Variants in WDSUB1 observed in about 807,000 individuals in gnomAD.
WDSUB1 encodes WD repeat, sterile alpha motif and U-box domain containing 1.
WDSUB1 carries 49 observed loss-of-function variants against 53.9 expected under a neutral mutation model. The ratio of observed to expected loss-of-function variants is 0.91; its 90% confidence interval spans 0.72 to 1.15. The LOEUF (loss-of-function observed/expected upper bound fraction) is 1.15, where lower values mean the gene tolerates loss of function less well. Among genes scored for constraint, WDSUB1 ranks in the 50% most tolerant of loss-of-function variants. The pLI is 0.00. For synonymous variants in WDSUB1, 194 were observed against 200.6 expected (o/e 0.97, Z 0.28); for missense variants, 514 against 562.0 (o/e 0.91, Z 0.86).
chr2:159,257,503 C>T (rs1490774938), intron 8 of WDSUB1, among the ~76,000 whole-genome samples: 1 of 151,900 alleles, frequency 6.6e-6, no homozygotes, highest in Non-Finnish European at 1.5e-5. Flanking sequence ...TCTCCTGCCT[C>T]AGCCTCCCGA....
chr2:159,257,881 A>G lies in WDSUB1; in HGVS notation c.846-17T>C. ...GTGACATACCTAGTTAATAAAAACA[A>G]CTATTATGTATCTTCTGACTAATTT... On this transcript the variant is annotated splice_polypyrimidine_tract_variant and intron_variant, in intron 7 of 10. Coordinates refer to ENST00000359774, the MANE Select transcript of WDSUB1 (RefSeq NM_001128212.3). 1 of 1,612,286 alleles carries G rather than the reference A, an allele frequency of 6.2e-7. No homozygotes were observed. The highest frequency in any genetic ancestry group is 8.5e-7 in the Non-Finnish European group (1 of 1,178,414).
At chr2:159,274,549 A>G (rs1367975491) in intron 4 of WDSUB1, among the ~76,000 whole-genome samples, 1 of 152,194 alleles carries the variant, frequency 6.6e-6, no homozygotes, top group African/African-American at 2.4e-5. Context: ...CTTCACCCTT[A>G]GTATGCTGCA....
In WDSUB1 at chr2:159,256,264, AT is replaced by A. The variant is rs1559541649; in HGVS notation, c.1063del (p.Met355Ter). On this transcript the variant is annotated frameshift_variant, in exon 9 of 11. Coordinates refer to ENST00000359774, the MANE Select transcript of WDSUB1 (RefSeq NM_001128212.3). LOFTEE classifies it high-confidence loss of function. ...CAGTTCTTTTCCATCAATGTTATTCATCTTGAAAATACCAACAAGATCTTTT... is the reference window on the plus strand; with the variant it reads ...CAGTTCTTTTCCATCAATGTTATTCACTTGAAAATACCAACAAGATCTTTT... ...DLKDLVGIFKMNNIDGKELLN... is the reference protein window; with the variant it reads ...DLKDLVGIFKXNNIDGKELLN... The A allele has an allele frequency of 6.2e-7, 1 of 1,612,112 alleles. No homozygotes were observed. The highest frequency in any genetic ancestry group is 1.1e-5 in the South Asian group (1 of 90,352).
chr2:159,244,531 G>A (rs1029080783), intron 10 of WDSUB1, among the ~76,000 whole-genome samples: 1 of 152,226 alleles, frequency 6.6e-6, no homozygotes, highest in Non-Finnish European at 1.5e-5. Context: ...TGTTGAGGGA[G>A]TTGGTTACTG....
intron 8 of WDSUB1, among the ~76,000 whole-genome samples, chr2:159,256,964 C>CA: frequency 6.6e-6 from 1 of 152,260 alleles, no homozygotes; most frequent in South Asian, 2.1e-4. Context: ...ACAGCTTTAA[C>CA]ACAGCCCAGC....
In WDSUB1 at chr2:159,283,052, G is replaced by A; in HGVS notation, c.18C>T (p.His6=). Residue 6 remains histidine, a synonymous_variant, in exon 2 of 11, where the codon CAC becomes CAT. Transcript: ENST00000359774. ...CATCGTCACCATGATCAGCTAATGT[G>A]TGAATCAGTTTCACCATGTTCTTTA... The part of the protein sequence containing the change: MVKLI[H]TLADHGDDVN... The A allele has an allele frequency of 6.2e-7, 1 of 1,609,868 alleles. No individual in the cohort carries two copies. Among genetic ancestry groups the A allele is most frequent in the Non-Finnish European group, 8.5e-7 (1 of 1,176,574 alleles).
intron 6 of WDSUB1, 110 bp downstream of exon 6, chr2:159,259,700 G>T: frequency 8.5e-7 from 1 of 1,174,512 alleles, no homozygotes; most frequent in Non-Finnish European, 1.2e-6. Flanking sequence ...TATGTTCTTA[G>T]TCATACTAAA....
intron 2 of WDSUB1, 110 bp from the exon 3 acceptor site, chr2:159,280,055 A>C: frequency 2.0e-6 from 2 of 987,690 alleles, no homozygotes; most frequent in Admixed American, 5.8e-5. Flanking sequence ...GCTATCACAG[A>C]ACTAGAGAGA....
Position 159,257,576 on chromosome 2 carries a change from C to G in WDSUB1, c.952+182G>C, listed in dbSNP as rs377087274. On this transcript the variant is annotated intron_variant, in intron 8 of 10. Transcript: ENST00000359774. ...TACTTTTTTGTATTTTTAGTAGAGACAGGGTTTCACCATGTTGGCCAGGCT... is the reference window on the plus strand; with the variant it reads ...TACTTTTTTGTATTTTTAGTAGAGAGAGGGTTTCACCATGTTGGCCAGGCT... Among the ~76,000 whole-genome samples, 13 of 151,580 alleles carry G rather than the reference C, an allele frequency of 8.6e-5. No homozygotes were observed. In the South Asian group the frequency reaches 2.5e-3, roughly 29 times the overall value.
At chr2:159,255,879 C>T (rs1362012775) in intron 9 of WDSUB1, among the ~76,000 whole-genome samples, 1 of 152,054 alleles carries the variant, frequency 6.6e-6, no homozygotes, top group African/African-American at 2.4e-5. Context: ...ACCCAGAATA[C>T]ATAAACAACT....
chr2:159,240,011 A>G (rs557220706), intron 10 of WDSUB1, among the ~76,000 whole-genome samples: 1 of 152,144 alleles, frequency 6.6e-6, no homozygotes, highest in South Asian at 2.1e-4. Flanking sequence ...TTCTTGGTAT[A>G]TTTCAGAGTT....
intron 10 of WDSUB1, among the ~76,000 whole-genome samples, chr2:159,238,267 CAATTCTATCAAGGAATTTACTTACA>C (rs34454532): frequency 0.51 from 76,219 of 149,708 alleles, 19,916 homozygotes; most frequent in African/African-American, 0.57. Context: ...GAAGTTTTCC[CAATTCTATCAAGGAATTTACTTACA>C]AATTCTATCA....
chr2:159,286,181 A>T (rs1278068080), intron 1 of WDSUB1, among the ~76,000 whole-genome samples: 1 of 152,104 alleles, frequency 6.6e-6, no homozygotes, highest in African/African-American at 2.4e-5. Flanking sequence ...GCGTAAACAC[A>T]TGAATCCCAT....
At chr2:159,280,677 C>A (rs947300847) in intron 2 of WDSUB1, among the ~76,000 whole-genome samples, 2 of 85,030 alleles carry the variant, frequency 2.4e-5, no homozygotes, top group African/African-American at 7.6e-5. Flanking sequence ...GGCGACAGAG[C>A]GAGACTCCGT....
At chr2:159,275,890 A>G (rs1016721778) in intron 3 of WDSUB1, among the ~76,000 whole-genome samples, 4 of 152,212 alleles carry the variant, frequency 2.6e-5, no homozygotes, top group African/African-American at 9.6e-5. Flanking sequence ...AATAGAACTC[A>G]AGGCTGCAAG....
intron 1 of WDSUB1, among the ~76,000 whole-genome samples, chr2:159,285,380 T>C (rs911433318): frequency 2.0e-5 from 3 of 150,414 alleles, no homozygotes; most frequent in Non-Finnish European, 4.4e-5. Context: ...TAATCCTTTG[T>C]CCTAGTCTTA....
chr2:159,283,138 A>G, intron 1 of WDSUB1, 45 bp from the exon 2 acceptor site: 1 of 1,499,204 alleles, frequency 6.7e-7, no homozygotes, highest in East Asian at 2.3e-5. Context: ...TAGGAATCAG[A>G]TACATGCAAT....
At position 159,282,435 on chromosome 2, in the gene WDSUB1, G is replaced by A. The variant is rs1432972692; in HGVS notation, c.398+237C>T. Among the ~76,000 whole-genome samples, 8 of 149,744 alleles carry A rather than the reference G, an allele frequency of 5.3e-5. No individual in the cohort carries two copies. The South Asian group carries it at 6.2e-4, about 12-fold the overall frequency. ...TCTCGATCTCCTGACCTCGTGATCC[G>A]CCTGCCTTGGCCTCCCAAAGTGCTG... is the stretch of plus-strand genomic sequence containing the variant. On this transcript the variant is annotated intron_variant, in intron 2 of 10. Coordinates refer to ENST00000359774, the MANE Select transcript of WDSUB1 (RefSeq NM_001128212.3).
intron 4 of WDSUB1, among the ~76,000 whole-genome samples, chr2:159,273,821 T>C (rs996503099): frequency 6.6e-6 from 1 of 152,246 alleles, no homozygotes; most frequent in African/African-American, 2.4e-5. Flanking sequence ...GGCTTTACTT[T>C]TGAACAATTA....
Sources: gnomAD v4.1 joint callset for allele counts (sites outside exome capture counted in the v4.1 genomes callset) on GRCh38, gnomAD v4.1.1 for gene constraint, MANE v1.5 for transcripts, NCBI Gene and HGNC (gene_info 2026-07-23, HGNC 2026-07-21) for gene names.